The following TRABD2B variants were observed in gnomAD, a reference collection of about 807,000 sequenced individuals.
TRABD2B encodes the protein metalloprotease TIKI2.
In TRABD2B, 14 loss-of-function variants were observed where a neutral mutation model predicts 40.1. That is an observed-to-expected ratio of 0.35 (90% CI 0.23 to 0.55). The LOEUF is 0.55. Ranked by LOEUF, TRABD2B falls within the 20% of genes least tolerant of loss-of-function variation. The probability of loss-of-function intolerance (pLI) is 0.90; values close to 1 mark genes in which losing one functional copy is unlikely to be tolerated. For synonymous variants in TRABD2B, 263 were observed against 277.0 expected (o/e 0.95, Z 0.50); for missense variants, 541 against 648.6 (o/e 0.83, Z 1.80).
intron 2 of TRABD2B, among the ~76,000 whole-genome samples, chr1:47,970,650 T>A (rs531937017): frequency 6.6e-6 from 1 of 152,290 alleles, no homozygotes; most frequent in South Asian, 2.1e-4. Flanking sequence ...CACTTGCACG[T>A]CTGTGGGTCA....
At position 47,762,330 on chromosome 1, in the gene TRABD2B, C is replaced by T. The variant is rs1453119397; in HGVS notation, c.*3572G>A. The T allele has an allele frequency of 6.6e-6, 1 of 152,208 alleles. No individual in the cohort carries two copies. Among genetic ancestry groups the T allele is most frequent in the African/African-American group, 2.4e-5 (1 of 41,450 alleles). The allele number at this position is 152,208 out of a possible 1,614,324, so 9.4% of individuals were successfully genotyped here. A position where few individuals can be genotyped will look rare whatever the true frequency, so the allele number is the denominator to read the frequency against. On this transcript the variant is annotated 3_prime_UTR_variant, in exon 7 of 7. Coordinates refer to ENST00000606738, the MANE Select transcript of TRABD2B (RefSeq NM_001194986.2). ...AGGACTCTGGTTCTTATCTCACAGT[C>T]ACTGAAAAACTATCACCAGCCCCAA...
At chr1:47,879,869 G>C (rs776418488) in intron 2 of TRABD2B, among the ~76,000 whole-genome samples, 3 of 152,230 alleles carry the variant, frequency 2.0e-5, no homozygotes, top group Admixed American at 2.0e-4. Flanking sequence ...TAGACAGGGA[G>C]CTGTGGGGAG....
At chr1:47,768,276 C>T (rs1440976527) in intron 6 of TRABD2B, among the ~76,000 whole-genome samples, 1 of 152,116 alleles carries the variant, frequency 6.6e-6, no homozygotes, top group East Asian at 1.9e-4. Context: ...AACTCTTGTT[C>T]CACCCAGAGG....
At position 47,772,453 on chromosome 1, in the gene TRABD2B, C is replaced by T. The variant is rs187490597; in HGVS notation, c.1349+2717G>A. Reference sequence around the variant, plus strand: ...GGCTGAGGCGGAAAGAAGGTGAAGGCCCTGCATCTGGGCTGAGCAGCGGCG... The same window carrying T: ...GGCTGAGGCGGAAAGAAGGTGAAGGTCCTGCATCTGGGCTGAGCAGCGGCG... On this transcript the variant is annotated intron_variant, in intron 6 of 6. Coordinates refer to ENST00000606738, the MANE Select transcript of TRABD2B (RefSeq NM_001194986.2). 3.8e-3 allele frequency among the ~76,000 whole-genome samples: 584 copies of T among 151,978 alleles called. 5 individuals carry two copies. Among genetic ancestry groups the T allele is most frequent in the Non-Finnish European group, 6.7e-3 (453 of 67,980 alleles).
At chr1:47,835,220 T>A (rs1040669867) in intron 2 of TRABD2B, among the ~76,000 whole-genome samples, 1 of 152,134 alleles carries the variant, frequency 6.6e-6, no homozygotes, top group Non-Finnish European at 1.5e-5. Flanking sequence ...AATTTGAAGA[T>A]AGGCCAATTG....
intron 4 of TRABD2B, among the ~76,000 whole-genome samples, chr1:47,787,054 C>G (rs893953410): frequency 6.6e-6 from 1 of 152,180 alleles, no homozygotes; most frequent in Non-Finnish European, 1.5e-5. Context: ...GATGGCCGCT[C>G]TTCTGTGCCC....
chr1:47,868,119 A>G (rs1557624671), intron 2 of TRABD2B, among the ~76,000 whole-genome samples: 1 of 152,222 alleles, frequency 6.6e-6, no homozygotes, highest in South Asian at 2.1e-4. Flanking sequence ...GAAAACCTCA[A>G]TGTGGAGCAA....
chr1:47,848,996 T>C (rs886314843), intron 2 of TRABD2B, among the ~76,000 whole-genome samples: 1 of 152,200 alleles, frequency 6.6e-6, no homozygotes, highest in Admixed American at 6.5e-5. Context: ...TATGTGGCTA[T>C]TAAAGGCTTC....
chr1:47,805,803 T>C (rs1644883690), intron 2 of TRABD2B, among the ~76,000 whole-genome samples: 1 of 151,544 alleles, frequency 6.6e-6, no homozygotes, highest in African/African-American at 2.4e-5. Context: ...AACTCTATTA[T>C]TAGCTCCATT....
At chr1:47,771,914 C>T (rs758317248) in intron 6 of TRABD2B, among the ~76,000 whole-genome samples, 3 of 152,178 alleles carry the variant, frequency 2.0e-5, no homozygotes, top group Non-Finnish European at 4.4e-5. Context: ...ACTCCAGGCG[C>T]GTCCCTGGCT....
chr1:47,916,360 C>T (rs898591557), intron 2 of TRABD2B, among the ~76,000 whole-genome samples: 1 of 152,180 alleles, frequency 6.6e-6, no homozygotes, highest in African/African-American at 2.4e-5. Flanking sequence ...ATGGATCAAA[C>T]ATGCCCCTGG....
rs576173888 is a variant in TRABD2B, at chr1:47,978,339, T to C, written c.666+15695A>G. On this transcript the variant is annotated intron_variant, in intron 2 of 6. Transcript: ENST00000606738. Reference sequence around the variant, plus strand: ...AACTGTGAGAAATAGATTTCCGTTGTTAATAAGCAAACTAGCTTATGGTAT... The same window carrying C: ...AACTGTGAGAAATAGATTTCCGTTGCTAATAAGCAAACTAGCTTATGGTAT... 3.3e-5 allele frequency among the ~76,000 whole-genome samples: 5 copies of C among 152,316 alleles called. 1 individual carries two copies. In the South Asian group the frequency reaches 1.0e-3, roughly 32 times the overall value.
At chr1:47,844,398 G>T (rs767675122) in intron 2 of TRABD2B, among the ~76,000 whole-genome samples, 5 of 152,214 alleles carry the variant, frequency 3.3e-5, no homozygotes, top group Non-Finnish European at 7.3e-5. Flanking sequence ...CCAGCTTGGA[G>T]GCGGGAGAAG....
At chr1:47,926,451 G>C (rs1298567114) in intron 2 of TRABD2B, among the ~76,000 whole-genome samples, 2 of 152,212 alleles carry the variant, frequency 1.3e-5, no homozygotes, top group Non-Finnish European at 2.9e-5. Flanking sequence ...TCTTGCTCCA[G>C]GAATGAGTGC....
chr1:47,859,517 T>C (rs879597434), intron 2 of TRABD2B, among the ~76,000 whole-genome samples: 3 of 152,242 alleles, frequency 2.0e-5, no homozygotes, highest in Non-Finnish European at 2.9e-5. Flanking sequence ...TTTTGACTTG[T>C]AGAGCTCTGG....
chr1:47,865,375 G>A (rs1644040803), intron 2 of TRABD2B, among the ~76,000 whole-genome samples: 1 of 152,002 alleles, frequency 6.6e-6, no homozygotes, highest in African/African-American at 2.4e-5. Context: ...ACCTCTCGCA[G>A]TACTGATTTA....
chr1:47,897,808 A>G (rs1457995002), intron 2 of TRABD2B, among the ~76,000 whole-genome samples: 1 of 152,096 alleles, frequency 6.6e-6, no homozygotes, highest in Non-Finnish European at 1.5e-5. Context: ...TACCTCTCTG[A>G]GCTTCTGTAT....
intron 2 of TRABD2B, among the ~76,000 whole-genome samples, chr1:47,850,600 C>A (rs1319005149): frequency 6.6e-6 from 1 of 152,220 alleles, no homozygotes; most frequent in African/African-American, 2.4e-5. Flanking sequence ...TCCCTCCAGG[C>A]CAAGCCACCT....
At position 47,840,067 on chromosome 1, in the gene TRABD2B, G is replaced by A. The variant is rs184153532; in HGVS notation, c.667-38448C>T. Among the ~76,000 whole-genome samples the A allele has an allele frequency of 4.6e-5, 7 of 152,262 alleles. No homozygotes were observed. In the East Asian group the frequency reaches 1.4e-3, roughly 30 times the overall value. On this transcript the variant is annotated intron_variant, in intron 2 of 6. Transcript: ENST00000606738. ...GTTCTGGGGCCTGGGGTGCAGCCCA[G>A]GGCCTAATGAGAGTCTGGGTTTGCT...
Sources: gnomAD v4.1 joint callset for allele counts (sites outside exome capture counted in the v4.1 genomes callset) on GRCh38, gnomAD v4.1.1 for gene constraint, MANE v1.5 for transcripts, NCBI Gene and HGNC (gene_info 2026-07-23, HGNC 2026-07-21) for gene names.